TRHR: variants seen among roughly 807,000 people sequenced by gnomAD.
TRHR encodes the protein thyrotropin-releasing hormone receptor.
A neutral mutation model predicts 28.0 loss-of-function variants in TRHR; 14 were observed. That is an observed-to-expected ratio of 0.50 (90% CI 0.33 to 0.78). The LOEUF (loss-of-function observed/expected upper bound fraction) is 0.78, where lower values mean the gene tolerates loss of function less well. Among genes scored for constraint, TRHR ranks in the 30% least tolerant of loss-of-function variants. The pLI, the probability that TRHR is intolerant of heterozygous loss-of-function variation, is 0.02. For missense variants in TRHR, 438 were observed against 469.5 expected (o/e 0.93, Z 0.62); for synonymous variants, 176 against 171.9 (o/e 1.02, Z -0.18).
chr8:109,101,394 C>T (rs911486620), intron 2 of TRHR, among the ~76,000 whole-genome samples: 4 of 152,162 alleles, frequency 2.6e-5, no homozygotes, highest in African/African-American at 9.7e-5. Context: ...ATTCCAATTT[C>T]ACCCCTTGGA....
At chr8:109,098,138 C>A (rs776244124) in intron 2 of TRHR, among the ~76,000 whole-genome samples, 2 of 145,554 alleles carry the variant, frequency 1.4e-5, no homozygotes, top group African/African-American at 2.5e-5. Context: ...TTTCTTTTTT[C>A]TTTTTTTTTT....
chr8:109,095,222 G>C (rs540375030), intron 2 of TRHR, among the ~76,000 whole-genome samples: 33 of 152,098 alleles, frequency 2.2e-4, no homozygotes, highest in African/African-American at 8.0e-4. Flanking sequence ...GCTTAATATG[G>C]GCCATGTACA....
intron 2 of TRHR, among the ~76,000 whole-genome samples, chr8:109,108,872 G>A (rs1811788420): frequency 6.6e-6 from 1 of 151,998 alleles, no homozygotes; most frequent in Non-Finnish European, 1.5e-5. Context: ...CAAGCAATAG[G>A]AGAAAGGCCA....
intron 2 of TRHR, among the ~76,000 whole-genome samples, chr8:109,098,207 G>A (rs145451597): frequency 5.3e-5 from 8 of 151,178 alleles, no homozygotes; most frequent in Admixed American, 1.3e-4. Flanking sequence ...TCGGCTCACC[G>A]CAGCCTCAAC....
intron 2 of TRHR, among the ~76,000 whole-genome samples, chr8:109,098,953 G>T (rs1016714624): frequency 6.6e-6 from 1 of 152,132 alleles, no homozygotes; most frequent in Non-Finnish European, 1.5e-5. Flanking sequence ...TCCCACAATG[G>T]CAGAAACGTG....
intron 2 of TRHR, among the ~76,000 whole-genome samples, chr8:109,103,187 A>G (rs1329379070): frequency 1.3e-5 from 2 of 152,162 alleles, no homozygotes; most frequent in Admixed American, 1.3e-4. Context: ...CTTATGAGTA[A>G]TAACTCTGTT....
intron 2 of TRHR, among the ~76,000 whole-genome samples, chr8:109,115,384 T>C (rs1811905116): frequency 6.6e-6 from 1 of 152,180 alleles, no homozygotes; most frequent in Admixed American, 6.6e-5. Context: ...GCATTGAAGC[T>C]ATAAATTAAC....
At chr8:109,111,787 T>G (rs1411927171) in intron 2 of TRHR, among the ~76,000 whole-genome samples, 3 of 152,310 alleles carry the variant, frequency 2.0e-5, no homozygotes, top group South Asian at 4.1e-4. Context: ...GGTTTTTTGT[T>G]GATTTACTTT....
rs1395833217 is a variant in TRHR at position 109,121,017 on chromosome 8, T to C, written c.*1562T>C. Among the ~76,000 whole-genome samples, 2 of 151,340 alleles carry C rather than the reference T, an allele frequency of 1.3e-5. No homozygotes were observed. The highest frequency in any genetic ancestry group is 3.0e-5 in the Non-Finnish European group (2 of 67,704). On this transcript the variant is annotated 3_prime_UTR_variant, in exon 3 of 3. Coordinates refer to ENST00000518632, the MANE Select transcript of TRHR (RefSeq NM_003301.7). ...CTTAATGAAGAATATACCATTCTTC[T>C]GAAACTTGTTTTTACGTGCTGTTTC...
intron 2 of TRHR, among the ~76,000 whole-genome samples, chr8:109,102,898 G>A (rs1811697396): frequency 6.6e-6 from 1 of 152,098 alleles, no homozygotes; most frequent in African/African-American, 2.4e-5. Flanking sequence ...CACTTTATTA[G>A]CCAGTAGCTA....
Position 109,116,015 on chromosome 8 carries a change from C to T in TRHR, c.790-3033C>T, listed in dbSNP as rs569298029. On this transcript the variant is annotated intron_variant, in intron 2 of 2. Transcript: ENST00000518632. ...TATTGAGAGTTTTTAGCATGAAGGG[C>T]TGTTGAATTTTGTCAAAGGCCTTTT... 2.5e-3 allele frequency among the ~76,000 whole-genome samples: 384 copies of T among 152,144 alleles called. 2 individuals carry two copies. The highest frequency in any genetic ancestry group is 8.8e-3 in the African/African-American group (364 of 41,508).
intron 2 of TRHR, among the ~76,000 whole-genome samples, chr8:109,104,357 A>G (rs1811720312): frequency 6.6e-6 from 1 of 152,148 alleles, no homozygotes; most frequent in Non-Finnish European, 1.5e-5. Flanking sequence ...AAAATTCACA[A>G]AACCATTTTT....
chr8:109,117,089 T>G (rs1355556430), intron 2 of TRHR, among the ~76,000 whole-genome samples: 2 of 151,844 alleles, frequency 1.3e-5, no homozygotes, highest in East Asian at 1.9e-4. Context: ...TAAAGGTAGT[T>G]GAAATTCAAC....
At position 109,104,562 on chromosome 8, in the gene TRHR, T is replaced by C. The variant is rs144986859; in HGVS notation, c.790-14486T>C. 3.1e-3 allele frequency among the ~76,000 whole-genome samples: 475 copies of C among 152,258 alleles called. 3 individuals carry two copies. Among genetic ancestry groups the C allele is most frequent in the African/African-American group, 0.011 (440 of 41,554 alleles). On this transcript the variant is annotated intron_variant, in intron 2 of 2. Transcript: ENST00000518632. Reference sequence around the variant, plus strand: ...AAGATTTGAATGTATTATATTTTAATATAATACCTTGTAAATTTATATATT... The same window carrying C: ...AAGATTTGAATGTATTATATTTTAACATAATACCTTGTAAATTTATATATT...
chr8:109,097,453 G>A (rs1271436646), intron 2 of TRHR, among the ~76,000 whole-genome samples: 1 of 151,986 alleles, frequency 6.6e-6, no homozygotes, highest in Non-Finnish European at 1.5e-5. Flanking sequence ...CATGTATTGA[G>A]CACCAATTTT....
At chr8:109,107,779 AC>A (rs1178774549) in intron 2 of TRHR, among the ~76,000 whole-genome samples, 4 of 152,084 alleles carry the variant, frequency 2.6e-5, no homozygotes, top group Admixed American at 2.0e-4. Context: ...AAGGTATAGT[AC>A]ATATTACAAT....
rs754143691 is a variant in TRHR at position 109,119,159 on chromosome 8, T to G, written c.901T>G (p.Phe301Val). The G allele has an allele frequency of 5.0e-6, 8 of 1,612,646 alleles. No individual in the cohort carries two copies. In the African/African-American group the frequency reaches 1.1e-4, roughly 22 times the overall value. ...CTCCAGTCCTTTCCAAGAAAATTGG[T>G]TTTTGCTCTTTTGCAGAATTTGCAT... ...FLSSPFQENWFLLFCRICIYL... is the reference protein window; with the variant it reads ...FLSSPFQENWVLLFCRICIYL... Residue 301 changes from phenylalanine (F) to valine (V), a missense_variant, in exon 3 of 3, where the codon TTT (phenylalanine) becomes GTT (valine). Physicochemically the swap from Phe to Val is conservative, Grantham distance 50 (BLOSUM62 -1). Transcript: ENST00000518632.
chr8:109,118,806 G>C (rs184763796), intron 2 of TRHR, among the ~76,000 whole-genome samples: 1 of 151,898 alleles, frequency 6.6e-6, no homozygotes, highest in African/African-American at 2.4e-5. Context: ...TTGGCTATAG[G>C]GGGAGCTATC....
At chr8:109,104,254 T>C (rs79151192) in intron 2 of TRHR, among the ~76,000 whole-genome samples, 7,818 of 152,224 alleles carry the variant, frequency 0.051, 223 homozygotes, top group South Asian at 0.08. Context: ...GAGAGTCAAG[T>C]TGCTTAGTAA....
Sources: allele counts gnomAD v4.1 joint callset (sites outside exome capture counted in the v4.1 genomes callset), GRCh38; gene constraint gnomAD v4.1.1; transcripts MANE v1.5; gene names NCBI Gene and HGNC (gene_info 2026-07-23, HGNC 2026-07-21).